Variants in KCNN2 observed in about 807,000 individuals in gnomAD.
KCNN2 encodes the protein potassium calcium-activated channel subfamily N member 2, also known as small conductance calcium-activated potassium channel protein 2.
A neutral mutation model predicts 55.5 loss-of-function variants in KCNN2; 24 were observed. The observed-to-expected ratio is 0.43, with a 90% CI of 0.31 to 0.61. The LOEUF (loss-of-function observed/expected upper bound fraction) is 0.61. KCNN2 is among the 20% of genes least tolerant of loss of function. KCNN2 has a pLI of 0.08. For synonymous variants in KCNN2, 431 were observed against 336.1 expected, an observed-to-expected ratio of 1.28 and a Z score of -3.09; for missense variants, 754 against 853.6, an observed-to-expected ratio of 0.88 and a Z score of 1.45.
At chr5:114,189,743 A>C (rs1355300530) in intron 1 of KCNN2, among the ~76,000 whole-genome samples, 1 of 152,200 alleles carries the variant, frequency 6.6e-6, no homozygotes, top group Non-Finnish European at 1.5e-5. Context: ...CAGTGAAATT[A>C]AGAACTTAAA....
chr5:114,076,372 A>C (rs1378383675), intron 1 of KCNN2, among the ~76,000 whole-genome samples: 2 of 152,218 alleles, frequency 1.3e-5, no homozygotes, highest in Non-Finnish European at 2.9e-5. Context: ...GCTATGCCCT[A>C]AGGATGGAAT....
At chr5:114,160,565 C>G (rs1477963246) in intron 1 of KCNN2, among the ~76,000 whole-genome samples, 2 of 152,082 alleles carry the variant, frequency 1.3e-5, no homozygotes, top group African/African-American at 2.4e-5. Flanking sequence ...TCCTTTTTAA[C>G]TTTCTGTCTC....
At chr5:114,058,250 GTGTGTGTA>G (rs2112506173) in intron 1 of KCNN2, among the ~76,000 whole-genome samples, 1 of 152,260 alleles carries the variant, frequency 6.6e-6, no homozygotes, top group South Asian at 2.1e-4. Context: ...GGGTGTGTGT[GTGTGTGTA>G]TGTGTGTATG....
chr5:114,298,515 C>A (rs1756081503), intron 2 of KCNN2, among the ~76,000 whole-genome samples: 1 of 152,104 alleles, frequency 6.6e-6, no homozygotes, highest in Non-Finnish European at 1.5e-5. Context: ...GTCAGTTTTC[C>A]AGACTTTAGG....
At chr5:114,263,653 A>T (rs1755155224) in intron 2 of KCNN2, among the ~76,000 whole-genome samples, 1 of 151,584 alleles carries the variant, frequency 6.6e-6, no homozygotes, top group African/African-American at 2.4e-5. Flanking sequence ...TTGTAAAAAA[A>T]TTTTTTATAA....
chr5:114,262,669 A>G (rs915094554), intron 2 of KCNN2, among the ~76,000 whole-genome samples: 1 of 152,246 alleles, frequency 6.6e-6, no homozygotes, highest in African/African-American at 2.4e-5. Context: ...TGCTTAGAAT[A>G]GCAGGTGAAA....
chr5:114,221,615 A>C (rs1028871801), intron 2 of KCNN2, among the ~76,000 whole-genome samples: 4 of 152,218 alleles, frequency 2.6e-5, no homozygotes, highest in Non-Finnish European at 5.9e-5. Flanking sequence ...AATATAAATA[A>C]GTGATTTTAT....
At chr5:114,327,070 AAACAGG>A (rs1756727580) in intron 2 of KCNN2, among the ~76,000 whole-genome samples, 1 of 152,182 alleles carries the variant, frequency 6.6e-6, no homozygotes. Context: ...AGTGTGATGA[AAACAGG>A]AAACAAAAAC....
At chr5:114,323,017 G>T (rs36962) in intron 2 of KCNN2, among the ~76,000 whole-genome samples, 71,479 of 151,946 alleles carry the variant, frequency 0.47, 17,376 homozygotes, top group East Asian at 0.87. Context: ...GTTCATAAGT[G>T]CTTATCATTT....
intron 2 of KCNN2, among the ~76,000 whole-genome samples, chr5:114,222,080 G>T (rs536488659): frequency 6.6e-6 from 1 of 152,270 alleles, no homozygotes; most frequent in East Asian, 1.9e-4. Context: ...TTACTTATAT[G>T]CCTCATTGTC....
At chr5:114,185,228 T>C (rs1310397599) in intron 1 of KCNN2, among the ~76,000 whole-genome samples, 2 of 152,248 alleles carry the variant, frequency 1.3e-5, no homozygotes, top group East Asian at 1.9e-4. Flanking sequence ...TCTAGATGTA[T>C]ATGTTTTACT....
chr5:114,162,295 C>T (rs1167909968), intron 1 of KCNN2, among the ~76,000 whole-genome samples: 1 of 152,192 alleles, frequency 6.6e-6, no homozygotes, highest in African/African-American at 2.4e-5. Flanking sequence ...TGGGTATCAG[C>T]AGTGGTGGCT....
chr5:114,093,525 C>A (rs1008978483), intron 1 of KCNN2, among the ~76,000 whole-genome samples: 1 of 152,134 alleles, frequency 6.6e-6, no homozygotes, highest in Non-Finnish European at 1.5e-5. Flanking sequence ...TACTCCATTT[C>A]CATACTGCTA....
intron 3 of KCNN2, among the ~76,000 whole-genome samples, chr5:114,445,521 T>A (rs1180374980): frequency 6.6e-6 from 1 of 152,240 alleles, no homozygotes; most frequent in East Asian, 1.9e-4. Context: ...CTTCACACTG[T>A]GTTTTAAAAC....
intron 2 of KCNN2, among the ~76,000 whole-genome samples, chr5:114,335,279 A>G (rs1373779874): frequency 6.6e-6 from 1 of 152,136 alleles, no homozygotes; most frequent in Admixed American, 6.5e-5. Flanking sequence ...GGTTTCTCCC[A>G]GATTCCAGTT....
At chr5:114,460,873 T>C (rs1761159138) in intron 3 of KCNN2, among the ~76,000 whole-genome samples, 1 of 152,220 alleles carries the variant, frequency 6.6e-6, no homozygotes, top group Non-Finnish European at 1.5e-5. Context: ...TGAATTGTGC[T>C]AAGAAGCAGC....
At chr5:114,060,195 A>G (rs546592454) in intron 1 of KCNN2, among the ~76,000 whole-genome samples, 3 of 152,310 alleles carry the variant, frequency 2.0e-5, no homozygotes, top group Admixed American at 6.5e-5. Context: ...TACCTCTGCA[A>G]TGCCCTCTTG....
intron 1 of KCNN2, among the ~76,000 whole-genome samples, chr5:114,172,592 A>G (rs972425657): frequency 7.7e-5 from 9 of 116,902 alleles, no homozygotes; most frequent in Non-Finnish European, 2.1e-5. Context: ...ACACATATTT[A>G]GTTATATATA....
chr5:114,074,329 T>TGCGTGC (rs1750642031), intron 1 of KCNN2, among the ~76,000 whole-genome samples: 2 of 138,668 alleles, frequency 1.4e-5, no homozygotes, highest in African/African-American at 5.8e-5. Context: ...TGTGTGTGTG[T>TGCGTGC]GCGCGCGCGC....
Sources: gnomAD v4.1 joint callset for allele counts (sites outside exome capture counted in the v4.1 genomes callset) on GRCh38, gnomAD v4.1.1 for gene constraint, MANE v1.5 for transcripts, NCBI Gene and HGNC (gene_info 2026-07-23, HGNC 2026-07-21) for gene names.